Variants in ARMC2 observed in about 807,000 individuals in gnomAD.
ARMC2 encodes the protein armadillo repeat containing 2.
A neutral mutation model predicts 90.3 loss-of-function variants in ARMC2; 67 were observed. The ratio of observed to expected loss-of-function variants is 0.74; its 90% confidence interval spans 0.61 to 0.91. ARMC2 has a LOEUF of 0.91. Among genes scored for constraint, ARMC2 ranks in the 40% least tolerant of loss-of-function variants. ARMC2 has a pLI of 0.00. For missense variants in ARMC2, 920 were observed against 1,030.9 expected (o/e 0.89, Z 1.47); for synonymous variants, 393 against 393.0 (o/e 1.00, Z 0.00).
the ARMC2 span, among the ~76,000 whole-genome samples, chr6:109,021,051 T>C: frequency 6.6e-6 from 1 of 152,170 alleles, no homozygotes; most frequent in African/African-American, 2.4e-5. Context: ...CAGGCAGTAA[T>C]GGGGTGATCA....
the ARMC2 span, chr6:109,002,460 T>G: frequency 1.3e-6 from 1 of 753,136 alleles, no homozygotes; most frequent in South Asian, 1.5e-5. Flanking sequence ...TTTGATGGTT[T>G]GTTTTCATGG....
the ARMC2 span, among the ~76,000 whole-genome samples, chr6:108,999,709 T>C: frequency 3.9e-5 from 6 of 152,138 alleles, no homozygotes; most frequent in Admixed American, 1.3e-4. Flanking sequence ...TGGAAGAGTT[T>C]TACAGTTTCT....
the ARMC2 span, among the ~76,000 whole-genome samples, chr6:109,049,409 G>A: frequency 6.6e-6 from 1 of 151,916 alleles, no homozygotes; most frequent in Non-Finnish European, 1.5e-5. Context: ...AATATGAAGA[G>A]ATCTGCTAAA....
At chr6:108,880,254 G>C (rs376874087) in intron 5 of ARMC2, 2 of 272,260 alleles carry the variant, frequency 7.3e-6, no homozygotes, top group African/African-American at 4.5e-5. Context: ...TGCTCAGTCC[G>C]TATTTGGAGA....
chr6:108,854,596 G>A, intron 2 of ARMC2, 111 bp downstream of exon 2: 1 of 1,111,530 alleles, frequency 9.0e-7, no homozygotes, highest in East Asian at 2.5e-5. Flanking sequence ...TTTTAGAACA[G>A]TTTTAAGTTC....
chr6:108,906,400 C>T (rs546692063), intron 8 of ARMC2, among the ~76,000 whole-genome samples: 1 of 151,992 alleles, frequency 6.6e-6, no homozygotes, highest in African/African-American at 2.4e-5. Context: ...GCCAAATTTA[C>T]TTTAAATAGA....
At chr6:109,012,497 TA>T in the ARMC2 span, among the ~76,000 whole-genome samples, 1 of 152,202 alleles carries the variant, frequency 6.6e-6, no homozygotes, top group African/African-American at 2.4e-5. Flanking sequence ...ATAATCTATG[TA>T]AAAGCAGAGT....
the ARMC2 span, among the ~76,000 whole-genome samples, chr6:109,044,093 T>C: frequency 8.6e-5 from 13 of 151,774 alleles, no homozygotes; most frequent in African/African-American, 2.2e-4. Flanking sequence ...GGCAAGAGGA[T>C]TGCTTGAGCC....
the ARMC2 span, among the ~76,000 whole-genome samples, chr6:109,018,019 TAAG>T: frequency 1.3e-5 from 2 of 152,252 alleles, no homozygotes; most frequent in East Asian, 1.9e-4. Flanking sequence ...AGAACAATAA[TAAG>T]AAGAAGAAAT....
chr6:108,981,727 G>A, the ARMC2 span, among the ~76,000 whole-genome samples: 2 of 151,892 alleles, frequency 1.3e-5, no homozygotes, highest in Admixed American at 6.6e-5. Context: ...GAGTGCAATG[G>A]CATGATCTCG....
the ARMC2 span, among the ~76,000 whole-genome samples, chr6:109,045,902 C>T: frequency 2.0e-5 from 3 of 151,998 alleles, no homozygotes; most frequent in Admixed American, 6.5e-5. Flanking sequence ...ATGTGAGGCA[C>T]GATATGGAAG....
At chr6:109,004,140 TCAGAG>T in the ARMC2 span, among the ~76,000 whole-genome samples, 1 of 151,078 alleles carries the variant, frequency 6.6e-6, no homozygotes, top group Non-Finnish European at 1.5e-5. Flanking sequence ...CCACAATAAA[TCAGAG>T]TTAAATGTAA....
chr6:108,859,137 GTAT>G (rs1055993447), intron 3 of ARMC2, among the ~76,000 whole-genome samples: 1 of 151,994 alleles, frequency 6.6e-6, no homozygotes, highest in African/African-American at 2.4e-5. Flanking sequence ...TTAAAGTTTT[GTAT>G]TATTAGTATT....
chr6:108,883,089 C>T (rs1777752502), intron 5 of ARMC2, among the ~76,000 whole-genome samples: 2 of 152,212 alleles, frequency 1.3e-5, no homozygotes, highest in South Asian at 4.1e-4. Context: ...AAGAAAGTTT[C>T]ATATGGCTCT....
At chr6:108,922,736 G>T (rs540279324) in intron 10 of ARMC2, among the ~76,000 whole-genome samples, 1 of 152,264 alleles carries the variant, frequency 6.6e-6, no homozygotes, top group African/African-American at 2.4e-5. Flanking sequence ...AAGTCTCCAG[G>T]TGTTTTCCCT....
chr6:108,936,270 GT>G (rs58898689), intron 11 of ARMC2, among the ~76,000 whole-genome samples: 2,558 of 152,134 alleles, frequency 0.017, 81 homozygotes, highest in African/African-American at 0.059. Flanking sequence ...TTGTTTGTTT[GT>G]TTTGAGGCAG....
intron 1 of ARMC2, among the ~76,000 whole-genome samples, chr6:108,851,471 G>T (rs780666599): frequency 6.6e-6 from 1 of 152,142 alleles, no homozygotes; most frequent in Non-Finnish European, 1.5e-5. Flanking sequence ...CACTGGGTAC[G>T]TACCAGGAAG....
chr6:109,013,823 G>C, the ARMC2 span, among the ~76,000 whole-genome samples: 3 of 152,206 alleles, frequency 2.0e-5, no homozygotes, highest in South Asian at 6.2e-4. Flanking sequence ...AACAAATGCT[G>C]GTTTATAAGA....
chr6:108,948,744 C>A (rs543931479), intron 12 of ARMC2, among the ~76,000 whole-genome samples: 4 of 151,362 alleles, frequency 2.6e-5, no homozygotes, highest in African/African-American at 7.3e-5. Context: ...ATGACAGAAT[C>A]GAAGAATTTT....
Sources: allele counts gnomAD v4.1 joint callset (sites outside exome capture counted in the v4.1 genomes callset), GRCh38; gene constraint gnomAD v4.1.1; transcripts MANE v1.5; gene names NCBI Gene and HGNC (gene_info 2026-07-23, HGNC 2026-07-21).